The following NLK variants were observed in gnomAD, a reference collection of about 807,000 sequenced individuals.
NLK encodes nemo like kinase, also known as serine/threonine-protein kinase NLK.
A neutral mutation model predicts 59.0 loss-of-function variants in NLK; 11 were observed. The ratio of observed to expected loss-of-function variants is 0.19; its 90% CI spans 0.12 to 0.31. NLK has a LOEUF of 0.31. NLK is among the 10% of genes least tolerant of loss of function. The pLI is 1.00. For missense variants in NLK, 410 were observed against 661.1 expected (o/e 0.62, Z 4.16); for synonymous variants, 235 against 235.9 (o/e 1.00, Z 0.03).
At chr17:28,194,445 C>A in intron 10 of NLK, 137 bp from the exon 11 acceptor site, 1 of 622,018 alleles carries the variant, frequency 1.6e-6, no homozygotes, top group Non-Finnish European at 2.8e-6. Flanking sequence ...AGAATAAATT[C>A]AACTTCAAAG....
intron 1 of NLK, among the ~76,000 whole-genome samples, chr17:28,060,134 G>A (rs889712400): frequency 2.0e-5 from 3 of 152,194 alleles, no homozygotes; most frequent in African/African-American, 7.2e-5. Context: ...TTAGCAAGCA[G>A]TGGGGAAGAA....
At chr17:28,091,792 G>A (rs1244753722) in intron 1 of NLK, among the ~76,000 whole-genome samples, 1 of 152,150 alleles carries the variant, frequency 6.6e-6, no homozygotes, top group African/African-American at 2.4e-5. Context: ...AAGAAACATT[G>A]CAGGTGTGCA....
At chr17:28,051,865 T>A (rs1909268000) in intron 1 of NLK, among the ~76,000 whole-genome samples, 1 of 152,168 alleles carries the variant, frequency 6.6e-6, no homozygotes, top group Non-Finnish European at 1.5e-5. Context: ...AGTTTGCTGG[T>A]GACCACAAGA....
intron 3 of NLK, among the ~76,000 whole-genome samples, chr17:28,138,097 T>G (rs909956951): frequency 6.6e-6 from 1 of 152,206 alleles, no homozygotes; most frequent in Admixed American, 6.5e-5. Flanking sequence ...TTCTAATTGT[T>G]TATTAGAAAA....
intron 1 of NLK, chr17:28,047,848 T>A (rs1451348498): frequency 2.5e-6 from 1 of 396,918 alleles, no homozygotes; most frequent in Non-Finnish European, 4.4e-6. Flanking sequence ...TTGGGGAAAA[T>A]CCTGGAGTAA....
chr17:28,188,701 C>T (rs941882125), intron 8 of NLK, among the ~76,000 whole-genome samples: 13 of 152,158 alleles, frequency 8.5e-5, no homozygotes, highest in Admixed American at 5.2e-4. Flanking sequence ...AAGCTGGTCT[C>T]GAACTCCTGA....
chr17:28,147,613 G>A (rs1005990535), intron 3 of NLK, among the ~76,000 whole-genome samples: 7 of 152,090 alleles, frequency 4.6e-5, no homozygotes, highest in South Asian at 2.1e-4. Context: ...TCTTTTTTGC[G>A]TCAGAGAAAA....
chr17:28,125,794 A>T (rs1019126071), intron 2 of NLK, among the ~76,000 whole-genome samples: 1 of 152,226 alleles, frequency 6.6e-6, no homozygotes, highest in Non-Finnish European at 1.5e-5. Flanking sequence ...GGAGGATACA[A>T]TAAAGGCTTA....
chr17:28,096,882 A>G (rs893247752), intron 1 of NLK, among the ~76,000 whole-genome samples: 4 of 152,202 alleles, frequency 2.6e-5, no homozygotes, highest in Admixed American at 1.3e-4. Flanking sequence ...TAAGAGGTGT[A>G]TTCTTCTTCC....
rs377681137 is a variant in NLK at position 28,172,635 on chromosome 17, A to G, written c.1149+17A>G. 7.1e-6 allele frequency: 10 copies of G among 1,414,074 alleles called. No homozygotes were observed. The highest frequency in any genetic ancestry group is 2.6e-5 in the East Asian group (1 of 37,946). The allele number at this position is 1,414,074 out of a possible 1,614,324, so 87.6% of individuals were successfully genotyped here. A position where few individuals can be genotyped will look rare whatever the true frequency, so the allele number is the denominator to read the frequency against. ...CATAAACAGGTGAGAGGAGGGGGGA[A>G]TCTTTTTCTGGTAACCATCTGTTTG... On this transcript the variant is annotated intron_variant, in intron 7 of 10. Transcript: ENST00000407008.
At chr17:28,066,116 A>G (rs1305038122) in intron 1 of NLK, among the ~76,000 whole-genome samples, 1 of 152,070 alleles carries the variant, frequency 6.6e-6, no homozygotes, top group African/African-American at 2.4e-5. Flanking sequence ...TTACTCCACT[A>G]TTATCTTCTT....
intron 1 of NLK, among the ~76,000 whole-genome samples, chr17:28,111,896 GGTGTGTGTGTGTGTGTGT>G (rs747211468): frequency 8.9e-5 from 6 of 67,484 alleles, no homozygotes; most frequent in African/African-American, 2.5e-4. Context: ...GTGTGTGTGT[GGTGTGTGTGTGTGTGTGT>G]GTGTGTGTGT....
intron 1 of NLK, among the ~76,000 whole-genome samples, chr17:28,099,619 C>T (rs1272054506): frequency 6.2e-5 from 9 of 146,004 alleles, no homozygotes; most frequent in Middle Eastern, 3.5e-3. Flanking sequence ...TCGCCCAGGC[C>T]GGACTGCGGA....
At chr17:28,070,191 G>A (rs1410523571) in intron 1 of NLK, among the ~76,000 whole-genome samples, 2 of 151,382 alleles carry the variant, frequency 1.3e-5, no homozygotes, top group South Asian at 2.1e-4. Context: ...AGCCAAGATC[G>A]CACCACCGCG....
chr17:28,069,899 A>G (rs960795238), intron 1 of NLK, among the ~76,000 whole-genome samples: 6 of 152,110 alleles, frequency 3.9e-5, no homozygotes, highest in Non-Finnish European at 7.4e-5. Context: ...AAGTTTATCA[A>G]CTTTTTCTTT....
chr17:28,177,542 C>G (rs1908732781), intron 7 of NLK, among the ~76,000 whole-genome samples: 1 of 152,200 alleles, frequency 6.6e-6, no homozygotes, highest in Admixed American at 6.5e-5. Flanking sequence ...TGCCAGGAAT[C>G]TGACTCTCCT....
intron 1 of NLK, among the ~76,000 whole-genome samples, chr17:28,079,768 A>G (rs936305716): frequency 1.3e-5 from 2 of 152,084 alleles, no homozygotes; most frequent in Admixed American, 6.5e-5. Flanking sequence ...TTCCCATTCT[A>G]TAGGTTGCCT....
intron 1 of NLK, among the ~76,000 whole-genome samples, chr17:28,068,681 A>T (rs910651058): frequency 3.3e-5 from 5 of 152,012 alleles, no homozygotes; most frequent in Admixed American, 2.0e-4. Context: ...AATTTTTAAA[A>T]TTTTTTCTAT....
chr17:28,155,738 C>T (rs933532077), intron 3 of NLK, among the ~76,000 whole-genome samples: 2 of 151,082 alleles, frequency 1.3e-5, no homozygotes, highest in African/African-American at 2.4e-5. Flanking sequence ...AATGAGAACA[C>T]TTGAACATAG....
Sources: gnomAD v4.1 joint callset for allele counts (sites outside exome capture counted in the v4.1 genomes callset) on GRCh38, gnomAD v4.1.1 for gene constraint, MANE v1.5 for transcripts, NCBI Gene and HGNC (gene_info 2026-07-23, HGNC 2026-07-21) for gene names.